The following AOAH variants were observed in gnomAD, a reference collection of about 807,000 sequenced individuals.
AOAH encodes acyloxyacyl hydrolase.
In AOAH, 64 loss-of-function variants were observed where a neutral mutation model predicts 92.2. The ratio of observed to expected loss-of-function variants is 0.69; its 90% CI spans 0.57 to 0.86. The LOEUF is 0.86. Ranked by LOEUF, AOAH falls within the 40% of genes least tolerant of loss-of-function variation. The probability of loss-of-function intolerance (pLI) is 0.00; values close to 1 mark genes in which losing one functional copy is unlikely to be tolerated. For synonymous variants in AOAH, 263 were observed against 254.5 expected, an observed-to-expected ratio of 1.03 and a Z score of -0.32; for missense variants, 656 against 694.6, an observed-to-expected ratio of 0.94 and a Z score of 0.62.
In AOAH at chr7:36,716,393, A is replaced by G. The variant is rs1424398398; in HGVS notation, c.127+7629T>C. ...GTTGGTGGGACTGTAAACTAGTTTA[A>G]CCATTGTGGAAATCAGCGTGGCGAT... is the stretch of plus-strand genomic sequence containing the variant. On this transcript the variant is annotated intron_variant, in intron 1 of 20. Transcript: ENST00000617537. Among the ~76,000 whole-genome samples, 3 of 150,176 alleles carry G rather than the reference A, an allele frequency of 2.0e-5. 1 individual carries two copies. Among genetic ancestry groups the G allele is most frequent in the African/African-American group, 7.5e-5 (3 of 40,070 alleles).
At chr7:36,659,867 G>A (rs1795110515) in intron 3 of AOAH, among the ~76,000 whole-genome samples, 1 of 150,436 alleles carries the variant, frequency 6.6e-6, no homozygotes, top group Non-Finnish European at 1.5e-5. Flanking sequence ...ATGGCCTGCA[G>A]GAGCCAAGAA....
At chr7:36,542,451 C>G (rs1012269753) in intron 15 of AOAH, among the ~76,000 whole-genome samples, 1 of 152,184 alleles carries the variant, frequency 6.6e-6, no homozygotes, top group Admixed American at 6.5e-5. Flanking sequence ...AAGTCCATCA[C>G]TCAGAGGCTG....
chr7:36,611,114 G>A (rs528844226), intron 11 of AOAH, among the ~76,000 whole-genome samples: 3 of 152,214 alleles, frequency 2.0e-5, no homozygotes, highest in South Asian at 2.1e-4. Flanking sequence ...TTCTTGTCCC[G>A]TCTCCTATTC....
chr7:36,721,516 A>C (rs997275408), intron 1 of AOAH, among the ~76,000 whole-genome samples: 11 of 152,198 alleles, frequency 7.2e-5, no homozygotes, highest in Admixed American at 1.3e-4. Context: ...GCACATAGGC[A>C]GTGCTCAGTA....
rs10522114 is a variant in AOAH, at chr7:36,620,896, CATGAATGA to C, written c.654-75_654-68del. The C allele has an allele frequency of 6.5e-5, 86 of 1,330,780 alleles. No homozygotes were observed. The East Asian group carries it at 6.7e-4, about 10-fold the overall frequency. 82.4% of individuals were successfully genotyped at this position (1,330,780 alleles called of 1,614,324 possible). On this transcript the variant is annotated intron_variant, in intron 8 of 20. Transcript: ENST00000617537. Reference sequence around the variant, plus strand: ...TCTCTCAGTGGATGTCAGTTTCATGCATGAATGAATGAATGAATGAATGAATGCTACAC... The same window carrying C: ...TCTCTCAGTGGATGTCAGTTTCATGCATGAATGAATGAATGAATGCTACAC...
At chr7:36,690,068 T>C in intron 1 of AOAH, 1 of 394,020 alleles carries the variant, frequency 2.5e-6, no homozygotes, top group Non-Finnish European at 5.0e-6. Flanking sequence ...ATGGGGCAGC[T>C]TGAAACCAGC....
At chr7:36,594,548 C>T (rs570970875) in intron 11 of AOAH, 118 bp from the exon 12 acceptor site, 20 of 852,530 alleles carry the variant, frequency 2.3e-5, no homozygotes, top group Admixed American at 1.2e-4. Flanking sequence ...CTCAATCTCT[C>T]GCTTTAAGGG....
At chr7:36,536,637 C>T (rs953490702) in intron 16 of AOAH, among the ~76,000 whole-genome samples, 7 of 152,026 alleles carry the variant, frequency 4.6e-5, no homozygotes, top group African/African-American at 1.7e-4. Context: ...CATCTATCTC[C>T]CAGGGTTGTT....
At chr7:36,557,593 T>A (rs1786852152) in intron 13 of AOAH, among the ~76,000 whole-genome samples, 1 of 152,236 alleles carries the variant, frequency 6.6e-6, no homozygotes, top group Non-Finnish European at 1.5e-5. Flanking sequence ...CCAACTTGGT[T>A]CCATTCTCCC....
intron 19 of AOAH, among the ~76,000 whole-genome samples, chr7:36,527,037 G>A (rs1360281010): frequency 6.6e-6 from 1 of 152,222 alleles, no homozygotes; most frequent in Non-Finnish European, 1.5e-5. Flanking sequence ...CTCTGTTGGG[G>A]AGGTGTGGTG....
At chr7:36,594,471 T>G in intron 11 of AOAH, 41 bp from the exon 12 acceptor site, 3 of 1,534,834 alleles carry the variant, frequency 2.0e-6, no homozygotes, top group Non-Finnish European at 2.7e-6. Context: ...AAATGGTCAT[T>G]TATTTTCTAA....
chr7:36,688,662 A>G (rs10253290), intron 1 of AOAH, among the ~76,000 whole-genome samples: 2 of 152,034 alleles, frequency 1.3e-5, no homozygotes, highest in Non-Finnish European at 2.9e-5. Flanking sequence ...CTTTCTGAAA[A>G]TTTATTTCTA....
At chr7:36,678,966 G>A (rs1231048033) in intron 2 of AOAH, among the ~76,000 whole-genome samples, 2 of 152,136 alleles carry the variant, frequency 1.3e-5, no homozygotes, top group African/African-American at 4.8e-5. Context: ...CTCTGCCTGT[G>A]ACAAGGATCA....
At chr7:36,580,295 T>G (rs1416761600) in intron 12 of AOAH, among the ~76,000 whole-genome samples, 1 of 152,232 alleles carries the variant, frequency 6.6e-6, no homozygotes, top group East Asian at 1.9e-4. Context: ...CTCCATTTTC[T>G]GGATAATATC....
At chr7:36,636,833 T>C (rs543212606) in intron 5 of AOAH, among the ~76,000 whole-genome samples, 1 of 152,362 alleles carries the variant, frequency 6.6e-6, no homozygotes, top group South Asian at 2.1e-4. Context: ...ATATTTTTAC[T>C]TGCGAAATCT....
chr7:36,642,367 G>T (rs974040141), intron 4 of AOAH, among the ~76,000 whole-genome samples: 2 of 152,116 alleles, frequency 1.3e-5, no homozygotes, highest in Non-Finnish European at 2.9e-5. Flanking sequence ...CAGGGAGAAT[G>T]CTATCTACGA....
chr7:36,576,716 C>A lies in AOAH; in HGVS notation c.939-60G>T, dbSNP rs1788526847. 33 of 862,410 alleles carry A rather than the reference C, an allele frequency of 3.8e-5. No individual in the cohort carries two copies. The South Asian group carries it at 5.9e-4, about 15-fold the overall frequency. The allele number at this position is 862,410 out of a possible 1,614,324, so 53.4% of individuals were successfully genotyped here. On this transcript the variant is annotated intron_variant, in intron 12 of 20. Transcript: ENST00000617537. ...GGATACTCACATAAAGAAGTTTAAA[C>A]AAACCATGTTTACATCACGCTTTTA...
At chr7:36,580,589 C>T (rs1219704122) in intron 12 of AOAH, among the ~76,000 whole-genome samples, 1 of 151,852 alleles carries the variant, frequency 6.6e-6, no homozygotes, top group African/African-American at 2.4e-5. Context: ...TGCTTTTTTT[C>T]CCCTTTGTTT....
intron 13 of AOAH, among the ~76,000 whole-genome samples, chr7:36,572,630 G>GT (rs982183760): frequency 3.3e-5 from 5 of 152,172 alleles, no homozygotes; most frequent in African/African-American, 1.2e-4. Context: ...CACTGTGTCA[G>GT]TGGTACCCTG....
Sources: allele counts gnomAD v4.1 joint callset (sites outside exome capture counted in the v4.1 genomes callset), GRCh38; gene constraint gnomAD v4.1.1; transcripts MANE v1.5; gene names NCBI Gene and HGNC (gene_info 2026-07-23, HGNC 2026-07-21).